Variants in AKAP19 observed in about 807,000 individuals in gnomAD.
AKAP19 encodes A-kinase anchoring protein 19.
At chr2:190,022,308 G>A in the AKAP19 span, among the ~76,000 whole-genome samples, 1 of 152,124 alleles carries the variant, frequency 6.6e-6, no homozygotes, top group South Asian at 2.1e-4. Context: ...ATCATATACG[G>A]ATTGGCAGTA....
chr2:189,916,663 A>G, the AKAP19 span, among the ~76,000 whole-genome samples: 1 of 152,102 alleles, frequency 6.6e-6, no homozygotes, highest in Non-Finnish European at 1.5e-5. Flanking sequence ...AGAAGTCTAT[A>G]ATTTTGTTAT....
the AKAP19 span, among the ~76,000 whole-genome samples, chr2:189,938,746 G>A: frequency 6.6e-6 from 1 of 152,150 alleles, no homozygotes; most frequent in Non-Finnish European, 1.5e-5. Flanking sequence ...AAGGATAAAT[G>A]CTTGGGGGAA....
At chr2:189,952,646 CTG>C in the AKAP19 span, among the ~76,000 whole-genome samples, 1 of 152,120 alleles carries the variant, frequency 6.6e-6, no homozygotes, top group South Asian at 2.1e-4. Context: ...TAAAAATATT[CTG>C]TTACAGTTGC....
At chr2:190,129,551 G>A in the AKAP19 span, among the ~76,000 whole-genome samples, 2 of 151,274 alleles carry the variant, frequency 1.3e-5, no homozygotes, top group Non-Finnish European at 1.5e-5. Context: ...ACACAATACT[G>A]AAAAATGAAA....
At chr2:190,044,920 A>G in the AKAP19 span, among the ~76,000 whole-genome samples, 14 of 152,234 alleles carry the variant, frequency 9.2e-5, no homozygotes, top group Middle Eastern at 0.01. Flanking sequence ...GTCTCACCCA[A>G]TGAGGAGGAA....
chr2:190,017,605 GTCT>G, the AKAP19 span, among the ~76,000 whole-genome samples: 2 of 151,996 alleles, frequency 1.3e-5, no homozygotes, highest in Non-Finnish European at 2.9e-5. Context: ...TTTGTAAACT[GTCT>G]TCTTTGACAA....
At chr2:190,103,413 A>G in the AKAP19 span, among the ~76,000 whole-genome samples, 1 of 152,240 alleles carries the variant, frequency 6.6e-6, no homozygotes, top group Non-Finnish European at 1.5e-5. Context: ...CTTGTTGCTG[A>G]CCATATGATT....
the AKAP19 span, among the ~76,000 whole-genome samples, chr2:190,198,220 G>A: frequency 6.6e-6 from 1 of 152,146 alleles, no homozygotes; most frequent in African/African-American, 2.4e-5. Flanking sequence ...GTAGTATTAT[G>A]AGAAACTGGG....
the AKAP19 span, among the ~76,000 whole-genome samples, chr2:189,980,612 G>T: frequency 6.6e-6 from 1 of 152,136 alleles, no homozygotes; most frequent in Admixed American, 6.5e-5. Flanking sequence ...TGTGATTACA[G>T]GCATGAGCCA....
the AKAP19 span, among the ~76,000 whole-genome samples, chr2:189,896,684 A>G: frequency 6.6e-6 from 1 of 152,256 alleles, no homozygotes; most frequent in African/African-American, 2.4e-5. Flanking sequence ...TTGGATCTTA[A>G]GATTCAGTCT....
At chr2:190,073,676 G>A in the AKAP19 span, among the ~76,000 whole-genome samples, 1 of 152,004 alleles carries the variant, frequency 6.6e-6, no homozygotes, top group African/African-American at 2.4e-5. Context: ...TTTATTATTT[G>A]AGATTTAATA....
chr2:189,940,134 C>T, the AKAP19 span, among the ~76,000 whole-genome samples: 2 of 152,182 alleles, frequency 1.3e-5, no homozygotes, highest in African/African-American at 2.4e-5. Context: ...AAAAATTTAG[C>T]CTAGTGTGGT....
At chr2:190,103,716 T>C in the AKAP19 span, among the ~76,000 whole-genome samples, 9 of 152,336 alleles carry the variant, frequency 5.9e-5, no homozygotes, top group African/African-American at 1.9e-4. Context: ...AAATATTCCA[T>C]ACTCATAAAT....
chr2:190,120,262 T>C, the AKAP19 span, among the ~76,000 whole-genome samples: 3 of 152,198 alleles, frequency 2.0e-5, no homozygotes, highest in Non-Finnish European at 4.4e-5. Context: ...CCTGATCATC[T>C]GAGGTGTAAA....
the AKAP19 span, among the ~76,000 whole-genome samples, chr2:190,075,276 C>T: frequency 6.6e-6 from 1 of 152,216 alleles, no homozygotes; most frequent in South Asian, 2.1e-4. Flanking sequence ...TATCATTTTA[C>T]ATTTATTAAA....
the AKAP19 span, among the ~76,000 whole-genome samples, chr2:190,151,341 T>C: frequency 6.6e-6 from 1 of 152,220 alleles, no homozygotes; most frequent in Non-Finnish European, 1.5e-5. Flanking sequence ...ATGCGTTAGC[T>C]ATTTATCCTG....
At chr2:190,110,316 A>T in the AKAP19 span, among the ~76,000 whole-genome samples, 464 of 152,334 alleles carry the variant, frequency 3.0e-3, 5 homozygotes, top group African/African-American at 0.011. Flanking sequence ...ATGGTGAATC[A>T]TCTCAAAAAC....
the AKAP19 span, among the ~76,000 whole-genome samples, chr2:189,928,266 C>T: frequency 6.6e-6 from 1 of 152,014 alleles, no homozygotes; most frequent in Non-Finnish European, 1.5e-5. Flanking sequence ...TTTGAAGGCC[C>T]ATTGTATCAA....
At chr2:190,081,910 A>C in the AKAP19 span, among the ~76,000 whole-genome samples, 1 of 152,142 alleles carries the variant, frequency 6.6e-6, no homozygotes, top group Non-Finnish European at 1.5e-5. Context: ...AAACTTTGAA[A>C]ACTGAGTTCC....
Sources: gnomAD v4.1 joint callset for allele counts (sites outside exome capture counted in the v4.1 genomes callset) on GRCh38, gnomAD v4.1.1 for gene constraint, MANE v1.5 for transcripts, NCBI Gene and HGNC (gene_info 2026-07-23, HGNC 2026-07-21) for gene names.